CCDC85A: variants seen among roughly 807,000 people sequenced by gnomAD.
CCDC85A encodes the protein coiled-coil domain containing 85A.
Under a neutral mutation model 50.2 loss-of-function variants are expected in CCDC85A, and 38 were observed. That is an observed-to-expected ratio of 0.76 (90% CI 0.58 to 0.99). The LOEUF (loss-of-function observed/expected upper bound fraction) is 0.99, where lower values mean the gene tolerates loss of function less well. Ranked by LOEUF, CCDC85A falls within the 50% of genes least tolerant of loss-of-function variation. The pLI is 0.00. For missense variants in CCDC85A, 820 were observed against 742.0 expected (o/e 1.11, Z -1.22); for synonymous variants, 366 against 301.4 (o/e 1.21, Z -2.22).
intron 2 of CCDC85A, among the ~76,000 whole-genome samples, chr2:56,339,673 T>TG (rs1674259439): frequency 6.6e-6 from 1 of 152,102 alleles, no homozygotes; most frequent in Non-Finnish European, 1.5e-5. Context: ...AAAAAGAAAA[T>TG]AACTTTATTT....
At chr2:56,226,166 T>G (rs1449608052) in intron 2 of CCDC85A, among the ~76,000 whole-genome samples, 1 of 151,762 alleles carries the variant, frequency 6.6e-6, no homozygotes, top group African/African-American at 2.4e-5. Flanking sequence ...TCAAATGGAC[T>G]TGAGTTAAAA....
chr2:56,379,367 C>A (rs1296851685), intron 5 of CCDC85A, among the ~76,000 whole-genome samples: 1 of 152,066 alleles, frequency 6.6e-6, no homozygotes, highest in East Asian at 1.9e-4. Context: ...ATCATTTGGA[C>A]CATTTGGCAC....
chr2:56,273,478 C>G (rs1261583997), intron 2 of CCDC85A, among the ~76,000 whole-genome samples: 1 of 151,946 alleles, frequency 6.6e-6, no homozygotes, highest in Non-Finnish European at 1.5e-5. Context: ...AACAAAGGGA[C>G]AATGCCTTTA....
chr2:56,186,245 G>A lies in CCDC85A; in HGVS notation c.276+1345G>A, dbSNP rs372866810. Among the ~76,000 whole-genome samples the A allele has an allele frequency of 3.2e-4, 49 of 152,300 alleles. 1 individual carries two copies. The South Asian group carries it at 8.1e-3, about 25-fold the overall frequency. ...TCATTACTAACAGAGTGTTTATTAA[G>A]TGCCAGTCTCTTTGGGGAATAGAGG... On this transcript the variant is annotated intron_variant, in intron 1 of 5. Transcript: ENST00000407595.
chr2:56,266,585 C>CCA (rs1553402004), intron 2 of CCDC85A, among the ~76,000 whole-genome samples: 2 of 133,576 alleles, frequency 1.5e-5, no homozygotes, highest in Non-Finnish European at 3.3e-5. Context: ...CGCGCCCCCC[C>CCA]CCCCCATAAT....
chr2:56,241,118 T>G (rs1669238348), intron 2 of CCDC85A, among the ~76,000 whole-genome samples: 2 of 152,212 alleles, frequency 1.3e-5, no homozygotes, highest in Admixed American at 1.3e-4. Flanking sequence ...TTTTATTATG[T>G]CTTATTGACC....
At chr2:56,324,801 T>G (rs1673384175) in intron 2 of CCDC85A, among the ~76,000 whole-genome samples, 1 of 152,092 alleles carries the variant, frequency 6.6e-6, no homozygotes, top group African/African-American at 2.4e-5. Context: ...CCAAGAGGCA[T>G]GTACCTTAGT....
chr2:56,204,830 C>T (rs1402694070), intron 2 of CCDC85A, among the ~76,000 whole-genome samples: 2 of 152,220 alleles, frequency 1.3e-5, no homozygotes, highest in Non-Finnish European at 2.9e-5. Flanking sequence ...AGGATTGCAG[C>T]AATTCATCTA....
intron 2 of CCDC85A, among the ~76,000 whole-genome samples, chr2:56,262,731 G>T (rs1461677200): frequency 6.6e-6 from 1 of 152,156 alleles, no homozygotes; most frequent in Admixed American, 6.5e-5. Context: ...GCTATCTCTT[G>T]CATCTCAAGA....
chr2:56,252,960 A>G (rs1385820907), intron 2 of CCDC85A, among the ~76,000 whole-genome samples: 2 of 152,108 alleles, frequency 1.3e-5, no homozygotes, highest in Non-Finnish European at 2.9e-5. Flanking sequence ...CGGAGGTTGC[A>G]GTAAGCCAAG....
At chr2:56,285,169 T>TG (rs1231760314) in intron 2 of CCDC85A, among the ~76,000 whole-genome samples, 1 of 151,406 alleles carries the variant, frequency 6.6e-6, no homozygotes, top group Non-Finnish European at 1.5e-5. Context: ...TGGCACAATC[T>TG]CAGCTCACTG....
intron 2 of CCDC85A, among the ~76,000 whole-genome samples, chr2:56,276,950 C>A (rs1167473729): frequency 6.6e-6 from 1 of 152,138 alleles, no homozygotes; most frequent in African/African-American, 2.4e-5. Context: ...ACTAAGGACA[C>A]TAGGGTCTTA....
At chr2:56,348,948 C>A (rs1263619716) in intron 3 of CCDC85A, among the ~76,000 whole-genome samples, 1 of 152,098 alleles carries the variant, frequency 6.6e-6, no homozygotes, top group Non-Finnish European at 1.5e-5. Context: ...TGGAATTGCT[C>A]TGAAAAATGA....
chr2:56,335,604 CTTT>C (rs35400454), intron 2 of CCDC85A, among the ~76,000 whole-genome samples: 19 of 143,892 alleles, frequency 1.3e-4, no homozygotes, highest in East Asian at 4.1e-4. Context: ...CCAAACTCAT[CTTT>C]TTTTTTTTTT....
chr2:56,288,453 C>G (rs1254719549), intron 2 of CCDC85A, among the ~76,000 whole-genome samples: 1 of 152,104 alleles, frequency 6.6e-6, no homozygotes, highest in Non-Finnish European at 1.5e-5. Flanking sequence ...TTGATTGATA[C>G]TTCATAAATA....
chr2:56,322,189 T>C (rs1378818335), intron 2 of CCDC85A, among the ~76,000 whole-genome samples: 1 of 151,998 alleles, frequency 6.6e-6, no homozygotes, highest in South Asian at 2.1e-4. Context: ...CCATAAAAAC[T>C]CTAGAAGAAA....
At chr2:56,217,150 T>G (rs1392187422) in intron 2 of CCDC85A, among the ~76,000 whole-genome samples, 1 of 151,910 alleles carries the variant, frequency 6.6e-6, no homozygotes, top group African/African-American at 2.4e-5. Context: ...GGTTTAAGTT[T>G]TATCTATCTC....
intron 2 of CCDC85A, among the ~76,000 whole-genome samples, chr2:56,317,123 T>C (rs375573626): frequency 3.9e-5 from 6 of 152,246 alleles, no homozygotes; most frequent in African/African-American, 1.4e-4. Flanking sequence ...ATTTTTCTTA[T>C]CATTAAATGC....
At chr2:56,296,447 T>C (rs1671952642) in intron 2 of CCDC85A, among the ~76,000 whole-genome samples, 1 of 152,202 alleles carries the variant, frequency 6.6e-6, no homozygotes, top group Non-Finnish European at 1.5e-5. Context: ...GAAGCCTATG[T>C]AAGCCTGCAG....
Sources: allele counts gnomAD v4.1 joint callset (sites outside exome capture counted in the v4.1 genomes callset), GRCh38; gene constraint gnomAD v4.1.1; transcripts MANE v1.5; gene names NCBI Gene and HGNC (gene_info 2026-07-23, HGNC 2026-07-21).